The following CNTN4 variants were observed in gnomAD, a reference collection of about 807,000 sequenced individuals.
CNTN4 encodes contactin-4.
Under a neutral mutation model 122.5 loss-of-function variants are expected in CNTN4, and 77 were observed. The observed-to-expected ratio is 0.63, with a 90% confidence interval of 0.52 to 0.76. The LOEUF (loss-of-function observed/expected upper bound fraction) is 0.76, where lower values mean the gene tolerates loss of function less well. CNTN4 is among the 30% of genes least tolerant of loss of function. The pLI, the probability that CNTN4 is intolerant of heterozygous loss-of-function variation, is 0.00. For synonymous variants in CNTN4, 512 were observed against 447.0 expected, an observed-to-expected ratio of 1.15 and a Z score of -1.83; for missense variants, 1,256 against 1,259.1, an observed-to-expected ratio of 1.00 and a Z score of 0.04.
At chr3:2,275,919 C>T (rs1412349398) in intron 2 of CNTN4, among the ~76,000 whole-genome samples, 1 of 107,062 alleles carries the variant, frequency 9.3e-6, no homozygotes. Flanking sequence ...GACTCTGTCT[C>T]AAAAAAAAAA....
Position 2,819,528 on chromosome 3 carries a change from T to C in CNTN4, c.401T>C (p.Val134Ala), listed in dbSNP as rs2092816204. 6.2e-7 allele frequency: 1 copy of C among 1,614,174 alleles called. No individual in the cohort carries two copies. Among genetic ancestry groups the C allele is most frequent in the Middle Eastern group, 1.6e-4 (1 of 6,062 alleles). Residue 134 changes from valine (V) to alanine (A), a missense_variant, in exon 7 of 25, where the codon GTC (valine) becomes GCC (alanine). Val to Ala is a moderately conservative substitution (Grantham distance 64). Coordinates refer to ENST00000418658, the MANE Select transcript of CNTN4 (RefSeq NM_175607.3). ...FKTRTRSTVSVRRGQGMVLLC... is the reference protein window; with the variant it reads ...FKTRTRSTVSARRGQGMVLLC... ...ACAAGAACAAGAAGCACTGTGTCTG[T>C]CCGTCGAGGTCAAGGAATGGTGCTA...
rs1236013864 is a variant in CNTN4, at chr3:2,705,630, ATATATATATTATATATAAAAAGTATAT to A, written c.56-30574_56-30548del. Among the ~76,000 whole-genome samples, 35 of 85,944 alleles carry A rather than the reference ATATATATATTATATATAAAAAGTATAT, an allele frequency of 4.1e-4. 1 individual carries two copies. The East Asian group carries it at 0.012, about 30-fold the overall frequency. The allele number at this position is 85,944 out of a possible 152,430, so 56.4% of individuals were successfully genotyped here. Reference sequence around the variant, plus strand: ...TTATATATTTATATATAATATATAAATATATATATTATATATAAAAAGTATATTATATATATTTATATATTGTATATT... The same window carrying A: ...TTATATATTTATATATAATATATAAATATATATATTTATATATTGTATATT... On this transcript the variant is annotated intron_variant, in intron 4 of 24. Transcript: ENST00000418658.
chr3:2,484,418 A>T (rs2076088333), intron 3 of CNTN4, among the ~76,000 whole-genome samples: 1 of 152,156 alleles, frequency 6.6e-6, no homozygotes. Context: ...ATGGCCTATG[A>T]ATACTAGATT....
chr3:2,275,098 T>C (rs1371564673), intron 2 of CNTN4, among the ~76,000 whole-genome samples: 1 of 152,238 alleles, frequency 6.6e-6, no homozygotes, highest in Admixed American at 6.5e-5. Flanking sequence ...GAGAGATGTC[T>C]AAACATTTTA....
At chr3:2,884,128 AG>A (rs1412657159) in intron 9 of CNTN4, among the ~76,000 whole-genome samples, 1 of 151,828 alleles carries the variant, frequency 6.6e-6, no homozygotes, top group Non-Finnish European at 1.5e-5. Flanking sequence ...CGGTAGAGGC[AG>A]GATCTGCGTA....
At chr3:2,268,504 T>C (rs569904551) in intron 2 of CNTN4, among the ~76,000 whole-genome samples, 1 of 150,960 alleles carries the variant, frequency 6.6e-6, no homozygotes, top group African/African-American at 2.5e-5. Context: ...TTTTATTATA[T>C]TAATAGTATC....
At chr3:2,883,066 G>A (rs775110546) in intron 8 of CNTN4, 79 bp from the exon 9 acceptor site, 1 of 946,594 alleles carries the variant, frequency 1.1e-6, no homozygotes, top group Non-Finnish European at 1.7e-6. Flanking sequence ...TAAGCATTCT[G>A]CATTAACAGA....
intron 12 of CNTN4, among the ~76,000 whole-genome samples, chr3:2,922,112 G>C (rs1393467226): frequency 1.3e-5 from 2 of 152,144 alleles, no homozygotes; most frequent in African/African-American, 4.8e-5. Context: ...CAGCAAATAA[G>C]GAGCTCCCAG....
At chr3:2,234,904 T>G (rs1488793963) in intron 2 of CNTN4, among the ~76,000 whole-genome samples, 1 of 152,200 alleles carries the variant, frequency 6.6e-6, no homozygotes. Flanking sequence ...GACCAGAAAC[T>G]TGTCTTTCTT....
chr3:2,883,309 C>A, intron 9 of CNTN4, 62 bp downstream of exon 9: 1 of 1,220,100 alleles, frequency 8.2e-7, no homozygotes, highest in Non-Finnish European at 1.2e-6. Flanking sequence ...TAGAGTTTTT[C>A]TTGCACTGTT....
chr3:2,845,811 A>G (rs549330700), intron 7 of CNTN4, among the ~76,000 whole-genome samples: 2 of 152,352 alleles, frequency 1.3e-5, no homozygotes, highest in Admixed American at 6.5e-5. Context: ...TTCAAGGTTC[A>G]TGCTGTTAGC....
intron 2 of CNTN4, among the ~76,000 whole-genome samples, chr3:2,314,832 C>G (rs896159182): frequency 6.6e-6 from 1 of 151,762 alleles, no homozygotes; most frequent in Non-Finnish European, 1.5e-5. Flanking sequence ...AATTAAGCAG[C>G]AAAATATGAA....
At chr3:2,911,543 A>G (rs1348827403) in intron 12 of CNTN4, among the ~76,000 whole-genome samples, 3 of 152,224 alleles carry the variant, frequency 2.0e-5, no homozygotes, top group Admixed American at 2.0e-4. Flanking sequence ...ACCAGAAGAC[A>G]TGGCCCAACC....
At chr3:2,350,635 C>T (rs1249782486) in intron 3 of CNTN4, among the ~76,000 whole-genome samples, 4 of 152,068 alleles carry the variant, frequency 2.6e-5, no homozygotes, top group African/African-American at 9.7e-5. Flanking sequence ...CTGTTATTCA[C>T]TGAGGGCCTA....
At chr3:2,753,377 A>G (rs2090186175) in intron 6 of CNTN4, among the ~76,000 whole-genome samples, 1 of 152,208 alleles carries the variant, frequency 6.6e-6, no homozygotes, top group South Asian at 2.1e-4. Flanking sequence ...GGCATAATAA[A>G]TGTTATAATG....
chr3:2,373,116 C>A (rs950688575), intron 3 of CNTN4, among the ~76,000 whole-genome samples: 4 of 152,158 alleles, frequency 2.6e-5, no homozygotes, highest in Admixed American at 2.6e-4. Context: ...CCCTGGGGTT[C>A]CCAAAACTTT....
rs1432694446 is a variant in CNTN4, at chr3:2,966,239, TA to T, written c.1359-22105del. 3.9e-5 allele frequency among the ~76,000 whole-genome samples: 6 copies of T among 152,300 alleles called. No individual in the cohort carries two copies. The South Asian group carries it at 8.3e-4, about 21-fold the overall frequency. ...GGAATCTCAATTTTTCAGTTAACTTTATTTTTTTTTACAGTTGATAGCTAGT... is the reference window on the plus strand; with the variant it reads ...GGAATCTCAATTTTTCAGTTAACTTTTTTTTTTTTACAGTTGATAGCTAGT... On this transcript the variant is annotated intron_variant, in intron 13 of 24. Transcript: ENST00000418658.
Position 2,736,620 on chromosome 3 carries a change from C to T in CNTN4, c.182+279C>T, listed in dbSNP as rs150955639. ...CTGGAATTACAGGCATGCACCACCA[C>T]GCCCGGCTAATTTTGCATTTTTAGT... On this transcript the variant is annotated intron_variant, in intron 5 of 24. Transcript: ENST00000418658. Among the ~76,000 whole-genome samples, 680 of 149,788 alleles carry T rather than the reference C, an allele frequency of 4.5e-3. 3 individuals carry two copies. The highest frequency in any genetic ancestry group is 0.015 in the African/African-American group (621 of 40,798).
intron 2 of CNTN4, among the ~76,000 whole-genome samples, chr3:2,267,349 G>A (rs1031657488): frequency 3.3e-5 from 5 of 152,042 alleles, no homozygotes; most frequent in African/African-American, 1.2e-4. Flanking sequence ...TCCTAACAAA[G>A]AAATTCATAC....
Sources: allele counts gnomAD v4.1 joint callset (sites outside exome capture counted in the v4.1 genomes callset), GRCh38; gene constraint gnomAD v4.1.1; transcripts MANE v1.5; gene names NCBI Gene and HGNC (gene_info 2026-07-23, HGNC 2026-07-21).